The following ZC3H7A variants were observed in gnomAD, a reference collection of about 807,000 sequenced individuals.
ZC3H7A encodes the protein zinc finger CCCH-type containing 7A.
A neutral mutation model predicts 125.5 loss-of-function variants in ZC3H7A; 44 were observed. That is an observed-to-expected ratio of 0.35 (90% CI 0.28 to 0.45). ZC3H7A has a LOEUF of 0.45. Among genes scored for constraint, ZC3H7A ranks in the 20% least tolerant of loss-of-function variants. ZC3H7A has a pLI of 1.00. For missense variants in ZC3H7A, 977 were observed against 1,170.7 expected (o/e 0.83, Z 2.41); for synonymous variants, 399 against 391.2 (o/e 1.02, Z -0.23).
intron 8 of ZC3H7A, 105 bp downstream of exon 8, chr16:11,774,869 TAATATG>T (rs2053053235): frequency 1.6e-6 from 2 of 1,255,706 alleles, no homozygotes; most frequent in East Asian, 2.4e-5. Context: ...ATTAATACAT[TAATATG>T]AATATAACCA....
intron 13 of ZC3H7A, among the ~76,000 whole-genome samples, chr16:11,766,809 G>A (rs1039310215): frequency 1.3e-5 from 2 of 152,124 alleles, no homozygotes; most frequent in African/African-American, 2.4e-5. Flanking sequence ...CTTGAACCCA[G>A]AAGGCAGAGG....
chr16:11,772,967 A>T (rs1027199464), intron 9 of ZC3H7A, among the ~76,000 whole-genome samples: 1 of 151,836 alleles, frequency 6.6e-6, no homozygotes, highest in Non-Finnish European at 1.5e-5. Context: ...CTGTGATTAC[A>T]GGTGTGCGCC....
intron 4 of ZC3H7A, 125 bp downstream of exon 4, chr16:11,779,041 G>T: frequency 2.4e-6 from 2 of 841,836 alleles, no homozygotes; most frequent in Non-Finnish European, 3.6e-6. Context: ...AAAGCCTCAA[G>T]CCACTCCAAA....
chr16:11,790,621 C>A (rs948656690), intron 1 of ZC3H7A, among the ~76,000 whole-genome samples: 11 of 151,942 alleles, frequency 7.2e-5, no homozygotes, highest in Admixed American at 2.0e-4. Flanking sequence ...CTCATTGCAA[C>A]CTCCGCCTCC....
chr16:11,771,342 C>T (rs1013332569), intron 9 of ZC3H7A, among the ~76,000 whole-genome samples: 5 of 151,352 alleles, frequency 3.3e-5, no homozygotes, highest in Non-Finnish European at 7.4e-5. Context: ...GAGCCAAGAT[C>T]ACGCAATTGC....
chr16:11,782,839 T>C (rs114842192), intron 1 of ZC3H7A: 1 of 156,608 alleles, frequency 6.4e-6, no homozygotes, highest in African/African-American at 2.4e-5. Flanking sequence ...GGTCTCGAAC[T>C]CGTGACCTCA....
chr16:11,767,299 T>A, intron 13 of ZC3H7A, 118 bp downstream of exon 13: 2 of 893,318 alleles, frequency 2.2e-6, no homozygotes, highest in Non-Finnish European at 3.2e-6. Flanking sequence ...TTTGTGTAAG[T>A]ACTCTGTGAT....
At chr16:11,766,542 G>A (rs2052861227) in intron 13 of ZC3H7A, among the ~76,000 whole-genome samples, 1 of 152,132 alleles carries the variant, frequency 6.6e-6, no homozygotes, top group Non-Finnish European at 1.5e-5. Context: ...CCCCAGCCTG[G>A]GAGACAGAGC....
chr16:11,754,455 C>A (rs919052459), intron 21 of ZC3H7A, among the ~76,000 whole-genome samples: 4 of 151,774 alleles, frequency 2.6e-5, no homozygotes, highest in Non-Finnish European at 5.9e-5. Context: ...CCAGGCCACA[C>A]ACAAGGCCTG....
At chr16:11,752,871 G>T in intron 21 of ZC3H7A, 39 bp from the exon 22 acceptor site, 1 of 1,592,384 alleles carries the variant, frequency 6.3e-7, no homozygotes, top group South Asian at 1.1e-5. Flanking sequence ...TTAGTCACCT[G>T]ATGTGAGATC....
rs2052880018 is a variant in ZC3H7A, at chr16:11,767,473, T to C, written c.1466A>G (p.Lys489Arg). Reference sequence around the variant, plus strand: ...TGTTTTTGTTGGTCTTGGACGTATTTTTTTCCATGATTTATCTTCAACATT... The same window carrying C: ...TGTTTTTGTTGGTCTTGGACGTATTCTTTTCCATGATTTATCTTCAACATT... Reference protein sequence around the residue: ...IKNVEDKSWKKIRPRPTKTNY... With the variant: ...IKNVEDKSWKRIRPRPTKTNY... Residue 489 changes from lysine to arginine, a missense_variant, in exon 13 of 23, where the codon AAA becomes AGA. Transcript: ENST00000355758. 1 of 1,611,872 alleles carries C rather than the reference T, an allele frequency of 6.2e-7. No homozygotes were observed. The highest frequency in any genetic ancestry group is 1.1e-5 in the South Asian group (1 of 90,928).
intron 1 of ZC3H7A, among the ~76,000 whole-genome samples, chr16:11,787,716 C>A (rs548781882): frequency 1.3e-5 from 2 of 152,080 alleles, no homozygotes; most frequent in East Asian, 3.9e-4. Context: ...GAGGCCGAGG[C>A]GGGCAGATCA....
chr16:11,761,561 A>AT lies in ZC3H7A; in HGVS notation c.2214-51dup, dbSNP rs1181224759. ...AAACAAAGACACACGAGCAAAAGAC[A>AT]TAACACAAAGGGAGAGGCACAAAGT... On this transcript the variant is annotated intron_variant, in intron 18 of 22. Coordinates refer to ENST00000355758, the MANE Select transcript of ZC3H7A (RefSeq NM_014153.4). 1.9e-6 allele frequency: 3 copies of AT among 1,595,224 alleles called. No homozygotes were observed. In the African/African-American group the frequency reaches 4.0e-5, roughly 21 times the overall value.
At chr16:11,773,840 G>A (rs1472139881) in intron 9 of ZC3H7A, among the ~76,000 whole-genome samples, 5 of 149,222 alleles carry the variant, frequency 3.4e-5, no homozygotes, top group African/African-American at 7.7e-5. Context: ...CCAAGACTGC[G>A]CCACTGCACT....
At position 11,765,177 on chromosome 16, in the gene ZC3H7A, T is replaced by A; in HGVS notation, c.1720-24A>T. On this transcript the variant is annotated intron_variant, in intron 14 of 22. Transcript: ENST00000355758. This position sits in a 1 kb window ranked among gnomAD's most constrained non-coding sequence, Gnocchi z 4.8. ...TTCTGGAATAGAGAGAGAAAGATTATCAAAAAAAATACAAAATATAAATTT... is the reference window on the plus strand; with the variant it reads ...TTCTGGAATAGAGAGAGAAAGATTAACAAAAAAAATACAAAATATAAATTT... The A allele has an allele frequency of 6.5e-6, 9 of 1,390,994 alleles. No individual in the cohort carries two copies. The highest frequency in any genetic ancestry group is 8.8e-6 in the Non-Finnish European group (9 of 1,024,280). The allele number at this position is 1,390,994 out of a possible 1,614,324, so 86.2% of individuals were successfully genotyped here. A position where few individuals can be genotyped will look rare whatever the true frequency, so the allele number is the denominator to read the frequency against.
Position 11,752,752 on chromosome 16 carries a change from G to C in ZC3H7A, c.2643C>G (p.His881Gln). The change falls in exon 22 of 23, where the codon CAC becomes CAG. Residue 881 changes from histidine to glutamine, a missense_variant. By Grantham distance (24) the His-to-Gln change is conservative. This residue lies in a region of ZC3H7A where 436 missense variants were observed against 603.2 expected (regional missense o/e 0.72). Coordinates refer to ENST00000355758, the MANE Select transcript of ZC3H7A (RefSeq NM_014153.4). ...QWQGHISSEKHKEKVFHTEDD... is the reference protein window; with the variant it reads ...QWQGHISSEKQKEKVFHTEDD... ...CCTCGGTGTGGAAAACCTTCTCTTT[G>C]TGCTTCTCGGAGGAGATGTGGCCCT... 1 of 1,614,162 alleles carries C rather than the reference G, an allele frequency of 6.2e-7. No individual in the cohort carries two copies. Among genetic ancestry groups the C allele is most frequent in the Non-Finnish European group, 8.5e-7 (1 of 1,180,024 alleles).
Position 11,751,064 on chromosome 16 carries a change from T to A in ZC3H7A, c.*253A>T, listed in dbSNP as rs2052545732. 8 of 371,250 alleles carry A rather than the reference T, an allele frequency of 2.2e-5. No homozygotes were observed. The South Asian group carries it at 3.4e-4, about 16-fold the overall frequency. 23.0% of individuals were successfully genotyped at this position (371,250 alleles called of 1,614,324 possible). A position where few individuals can be genotyped will look rare whatever the true frequency, so the allele number is the denominator to read the frequency against. On this transcript the variant is annotated 3_prime_UTR_variant, in exon 23 of 23. Transcript: ENST00000355758. ...ACCTTATCCTCTTCCCCAACACACT[T>A]CATCCAAAAGTCTGTTCAACAGATG...
rs368702688 is a variant in ZC3H7A at position 11,763,690 on chromosome 16, G to A, written c.1821-31C>T. The A allele has an allele frequency of 4.0e-4, 491 of 1,219,920 alleles. 8 individuals are homozygous for A. In the South Asian group the frequency reaches 4.7e-3, roughly 12 times the overall value. The allele number at this position is 1,219,920 out of a possible 1,614,324, so 75.6% of individuals were successfully genotyped here. The stretch of plus-strand genomic sequence containing the variant: ...ATGAAAACAGTGACATTTTAATATT[G>A]TTCTGCCATAGATTTTTCAAATATA... On this transcript the variant is annotated intron_variant, in intron 15 of 22. Transcript: ENST00000355758.
At position 11,774,223 on chromosome 16, in the gene ZC3H7A, C is replaced by T; in HGVS notation, c.903+13G>A. 2.6e-6 allele frequency: 4 copies of T among 1,545,078 alleles called. No individual in the cohort carries two copies. The highest frequency in any genetic ancestry group is 3.5e-6 in the Non-Finnish European group (4 of 1,141,826). On this transcript the variant is annotated intron_variant, in intron 9 of 22. Transcript: ENST00000355758. ...CTGTCTTCAGAAGAAACTTGAGTAA[C>T]ACTGAAACTTACCATAACAGTTTCA...
Sources: allele counts gnomAD v4.1 joint callset (sites outside exome capture counted in the v4.1 genomes callset), GRCh38; gene constraint gnomAD v4.1.1; regional missense constraint gnomAD v4.1.1; non-coding constraint Gnocchi (gnomAD v3.1); transcripts MANE v1.5; gene names NCBI Gene and HGNC (gene_info 2026-07-23, HGNC 2026-07-21).